Variants in NCKAP5 observed in about 807,000 individuals in gnomAD.
The protein encoded by NCKAP5 is NCK associated protein 5, also known as nck-associated protein 5.
Under a neutral mutation model 167.0 loss-of-function variants are expected in NCKAP5, and 92 were observed. The observed-to-expected ratio is 0.55, with a 90% CI of 0.47 to 0.66. The LOEUF is 0.66. NCKAP5 is among the 30% of genes least tolerant of loss of function. The pLI, the probability that NCKAP5 is intolerant of heterozygous loss-of-function variation, is 0.00. For synonymous variants in NCKAP5, 891 were observed against 877.4 expected (o/e 1.02, Z -0.27); for missense variants, 2,378 against 2,315.0 (o/e 1.03, Z -0.56).
chr2:133,166,791 T>C (rs6430399), intron 5 of NCKAP5, among the ~76,000 whole-genome samples: 79,557 of 151,950 alleles, frequency 0.52, 22,590 homozygotes, highest in African/African-American at 0.77. Context: ...CCAAAAAAGG[T>C]TTTAAAATTG....
intron 3 of NCKAP5, among the ~76,000 whole-genome samples, chr2:133,389,533 G>A (rs758208876): frequency 7.9e-5 from 12 of 152,166 alleles, no homozygotes; most frequent in Admixed American, 2.0e-4. Flanking sequence ...TTAGAGACTC[G>A]ACATGGAAGA....
At chr2:133,004,319 A>G (rs977473353) in intron 6 of NCKAP5, among the ~76,000 whole-genome samples, 2 of 152,160 alleles carry the variant, frequency 1.3e-5, no homozygotes, top group Non-Finnish European at 2.9e-5. Context: ...AATAATTATA[A>G]TTATTTATCA....
chr2:133,290,015 G>A (rs1355464428), intron 4 of NCKAP5, among the ~76,000 whole-genome samples: 4 of 152,122 alleles, frequency 2.6e-5, no homozygotes, highest in Admixed American at 6.6e-5. Flanking sequence ...CTCCCACTGG[G>A]CCCCTCCTCC....
At chr2:132,795,967 A>T (rs1684572289) in intron 12 of NCKAP5, among the ~76,000 whole-genome samples, 2 of 150,724 alleles carry the variant, frequency 1.3e-5, no homozygotes, top group South Asian at 4.2e-4. Flanking sequence ...TTAGGTCTTT[A>T]TGAATGTTTA....
chr2:133,477,032 C>T (rs904299278), intron 3 of NCKAP5, among the ~76,000 whole-genome samples: 5 of 152,162 alleles, frequency 3.3e-5, no homozygotes, highest in Non-Finnish European at 7.3e-5. Flanking sequence ...CTCACACATC[C>T]GCTTTTGTTG....
chr2:133,161,325 C>T (rs2083787027), intron 5 of NCKAP5, among the ~76,000 whole-genome samples: 1 of 152,092 alleles, frequency 6.6e-6, no homozygotes, highest in South Asian at 2.1e-4. Flanking sequence ...TCATGCTGCA[C>T]CCAAAATCAG....
chr2:133,639,822 C>A, the NCKAP5 span, among the ~76,000 whole-genome samples: 2 of 152,074 alleles, frequency 1.3e-5, no homozygotes, highest in Non-Finnish European at 1.5e-5. Flanking sequence ...CTGCCCTGAA[C>A]CCCTTGACAA....
At chr2:132,685,484 A>G (rs1030850051) in intron 19 of NCKAP5, among the ~76,000 whole-genome samples, 1 of 152,162 alleles carries the variant, frequency 6.6e-6, no homozygotes, top group Non-Finnish European at 1.5e-5. Flanking sequence ...TCGGAAATGA[A>G]TGTTTCTCTG....
At chr2:133,590,161 A>G in the NCKAP5 span, among the ~76,000 whole-genome samples, 178 of 152,244 alleles carry the variant, frequency 1.2e-3, no homozygotes, top group African/African-American at 4.0e-3. Flanking sequence ...GTTTTCCTAC[A>G]TCCCTATCCT....
intron 2 of NCKAP5, among the ~76,000 whole-genome samples, chr2:133,547,633 G>A (rs192198248): frequency 0.081 from 12,255 of 150,536 alleles, 608 homozygotes; most frequent in East Asian, 0.28. Flanking sequence ...CACCTCACAC[G>A]GCAGGGTATT....
At chr2:133,383,348 G>C (rs1686669802) in intron 3 of NCKAP5, among the ~76,000 whole-genome samples, 1 of 152,148 alleles carries the variant, frequency 6.6e-6, no homozygotes, top group Non-Finnish European at 1.5e-5. Context: ...CGTATGCTGA[G>C]AATGATGGTT....
intron 8 of NCKAP5, among the ~76,000 whole-genome samples, chr2:132,916,574 T>C (rs544788193): frequency 6.6e-6 from 1 of 152,100 alleles, no homozygotes; most frequent in Non-Finnish European, 1.5e-5. Flanking sequence ...ATTAACTGTA[T>C]AAAAGGTTAT....
intron 8 of NCKAP5, among the ~76,000 whole-genome samples, chr2:132,904,427 T>C (rs1200677343): frequency 1.3e-5 from 2 of 152,060 alleles, no homozygotes; most frequent in Non-Finnish European, 2.9e-5. Flanking sequence ...GGGACCATAC[T>C]ATACGTTATT....
chr2:133,056,347 T>C (rs1054455378), intron 6 of NCKAP5, among the ~76,000 whole-genome samples: 50 of 152,326 alleles, frequency 3.3e-4, no homozygotes, highest in African/African-American at 1.2e-3. Flanking sequence ...AATGATCTTA[T>C]TATATAGTTC....
rs144161044 is a variant in NCKAP5 at position 133,137,884 on chromosome 2, G to C, written c.208-7773C>G. ...TGCCATGAGAACACACCTGAACAAAGGGGCAGGAGAGCCTTTATTCCTGAC... is the reference window on the plus strand; with the variant it reads ...TGCCATGAGAACACACCTGAACAAACGGGCAGGAGAGCCTTTATTCCTGAC... On this transcript the variant is annotated intron_variant, in intron 5 of 19. Transcript: ENST00000409261. Among the ~76,000 whole-genome samples, 13 of 152,334 alleles carry C rather than the reference G, an allele frequency of 8.5e-5. No individual in the cohort carries two copies. In the East Asian group the frequency reaches 2.5e-3, roughly 29 times the overall value.
rs972033645 is a variant in NCKAP5, at chr2:132,708,336, C to CGAGTCCTA, written c.5713+17283_5713+17290dup. Among the ~76,000 whole-genome samples, 54 of 152,120 alleles carry CGAGTCCTA rather than the reference C, an allele frequency of 3.5e-4. 1 individual carries two copies. Among genetic ancestry groups the CGAGTCCTA allele is most frequent in the African/African-American group, 1.2e-3 (50 of 41,490 alleles). On this transcript the variant is annotated intron_variant, in intron 19 of 19. Transcript: ENST00000409261. ...GGGCCAGAGGGGAGCCAACTGCGCT[C>CGAGTCCTA]GAGTCCTAGCCCTGGCAGCATTCAC...
chr2:133,350,277 G>C (rs186864943), intron 3 of NCKAP5, among the ~76,000 whole-genome samples: 324 of 152,258 alleles, frequency 2.1e-3, no homozygotes, highest in Non-Finnish European at 3.1e-3. Flanking sequence ...GCTGGGTGTG[G>C]TGACACACAA....
chr2:132,963,781 C>T lies in NCKAP5; in HGVS notation c.518G>A (p.Ser173Asn), dbSNP rs149281257. The T allele has an allele frequency of 6.6e-4, 1,069 of 1,613,910 alleles. 5 individuals are homozygous for T. The African/African-American group carries it at 0.013, about 19-fold the overall frequency. The change falls in exon 8 of 20, where the codon AGC (serine) becomes AAC (asparagine). Residue 173 changes from serine (S) to asparagine (N), a missense_variant. Transcript: ENST00000409261. The stretch of plus-strand genomic sequence containing the variant: ...CTTTTCTTTTCCCTCATCTGTACTG[C>T]TGCTTTCACTCCTCGAATCCTCATC... ...VVDEDSRSES[S>N]STDEGKEKTK...
chr2:132,833,398 T>C (rs542907757), intron 11 of NCKAP5, among the ~76,000 whole-genome samples: 1 of 152,238 alleles, frequency 6.6e-6, no homozygotes, highest in South Asian at 2.1e-4. Context: ...TATTTTTTGT[T>C]GTTGTTGCCT....
Sources: gnomAD v4.1 joint callset for allele counts (sites outside exome capture counted in the v4.1 genomes callset) on GRCh38, gnomAD v4.1.1 for gene constraint, MANE v1.5 for transcripts, NCBI Gene and HGNC (gene_info 2026-07-23, HGNC 2026-07-21) for gene names.